The following HIVEP3 variants were observed in gnomAD, a reference collection of about 807,000 sequenced individuals.
HIVEP3 encodes HIVEP zinc finger 3, also known as transcription factor HIVEP3.
HIVEP3 carries 49 observed loss-of-function variants against 152.8 expected under a neutral mutation model. That is an observed-to-expected ratio of 0.32 (90% confidence interval 0.26 to 0.41). HIVEP3 has a LOEUF of 0.41. HIVEP3 is among the 10% of genes least tolerant of loss of function. The pLI, the probability that HIVEP3 is intolerant of heterozygous loss-of-function variation, is 1.00. For missense variants in HIVEP3, 2,790 were observed against 3,103.3 expected (o/e 0.90, Z 2.40); for synonymous variants, 1,269 against 1,289.0 (o/e 0.98, Z 0.33).
At chr1:41,880,597 C>T (rs1033133568) in intron 1 of HIVEP3, among the ~76,000 whole-genome samples, 7 of 152,182 alleles carry the variant, frequency 4.6e-5, no homozygotes, top group East Asian at 1.9e-4. Flanking sequence ...GGAAGAAGAG[C>T]GGAGACTTCC....
intron 1 of HIVEP3, among the ~76,000 whole-genome samples, chr1:41,989,146 C>T (rs911662207): frequency 3.9e-5 from 6 of 152,102 alleles, no homozygotes; most frequent in Non-Finnish European, 8.8e-5. Context: ...ATCTACTGTA[C>T]AATATGGTGG....
chr1:41,978,337 C>T (rs1645272738), intron 1 of HIVEP3, among the ~76,000 whole-genome samples: 1 of 152,118 alleles, frequency 6.6e-6, no homozygotes. Context: ...CCCGATATGA[C>T]TGTCTTTGTA....
intron 1 of HIVEP3, among the ~76,000 whole-genome samples, chr1:41,996,884 T>C (rs548000544): frequency 3.3e-5 from 5 of 152,286 alleles, no homozygotes; most frequent in African/African-American, 9.6e-5. Context: ...CCTCGGCCCA[T>C]GGCCCCTTCT....
rs1251705055 is a variant in HIVEP3, at chr1:42,032,940, T to C, written n.119+2867A>G. ...CCAGAAGCCTTCCGTGGTTTCCCATTCCCTAGCACCAGATACAATCCTGTC... is the reference window on the plus strand; with the variant it reads ...CCAGAAGCCTTCCGTGGTTTCCCATCCCCTAGCACCAGATACAATCCTGTC... On this transcript the variant is annotated intron_variant and non_coding_transcript_variant, in intron 1 of 3. Transcript: ENST00000489103. 2.0e-5 allele frequency among the ~76,000 whole-genome samples: 3 copies of C among 152,124 alleles called. No individual in the cohort carries two copies. The East Asian group carries it at 5.8e-4, about 29-fold the overall frequency.
intron 1 of HIVEP3, among the ~76,000 whole-genome samples, chr1:41,929,751 T>TA (rs1644987276): frequency 6.9e-6 from 1 of 145,564 alleles, no homozygotes; most frequent in Non-Finnish European, 1.5e-5. Context: ...TATATATATA[T>TA]ATGTTTAAAC....
intron 1 of HIVEP3, among the ~76,000 whole-genome samples, chr1:41,912,211 G>C (rs373086927): frequency 6.6e-6 from 1 of 152,274 alleles, no homozygotes; most frequent in East Asian, 1.9e-4. Flanking sequence ...AGGGTGGAGG[G>C]AGGTACACAG....
intron 1 of HIVEP3, among the ~76,000 whole-genome samples, chr1:41,784,819 A>G (rs1439777582): frequency 1.3e-5 from 2 of 152,236 alleles, no homozygotes; most frequent in Non-Finnish European, 2.9e-5. Context: ...TTAGCCACAA[A>G]ACAGGTTTCT....
chr1:41,784,525 G>C (rs1254030448), intron 1 of HIVEP3, among the ~76,000 whole-genome samples: 1 of 152,218 alleles, frequency 6.6e-6, no homozygotes, highest in African/African-American at 2.4e-5. Context: ...AGAACAGGGA[G>C]AGCAATTGCT....
intron 1 of HIVEP3, among the ~76,000 whole-genome samples, chr1:41,770,669 A>G (rs1410302680): frequency 1.3e-5 from 2 of 152,210 alleles, no homozygotes; most frequent in Non-Finnish European, 2.9e-5. Context: ...CAAGGTGAGG[A>G]ATGAACATTC....
chr1:41,842,543 A>G (rs904999427), intron 1 of HIVEP3, among the ~76,000 whole-genome samples: 1 of 152,054 alleles, frequency 6.6e-6, no homozygotes, highest in African/African-American at 2.4e-5. Context: ...GGCTTTATCC[A>G]TGCCAATCAG....
At chr1:41,597,992 G>A (rs542654289) in intron 3 of HIVEP3, among the ~76,000 whole-genome samples, 62 of 152,260 alleles carry the variant, frequency 4.1e-4, no homozygotes, top group Non-Finnish European at 7.1e-4. Context: ...ATTTATATCC[G>A]ATTTTTCCCA....
intron 1 of HIVEP3, among the ~76,000 whole-genome samples, chr1:41,940,667 T>C (rs1645041003): frequency 6.6e-6 from 1 of 152,080 alleles, no homozygotes; most frequent in Non-Finnish European, 1.5e-5. Context: ...AAACACGTTG[T>C]GTATACGGCA....
intron 1 of HIVEP3, among the ~76,000 whole-genome samples, chr1:41,756,934 T>A (rs1170902224): frequency 6.6e-6 from 1 of 152,034 alleles, no homozygotes; most frequent in East Asian, 1.9e-4. Context: ...AGAAAGTTAT[T>A]CTGCAATAAA....
At chr1:41,894,118 C>A (rs1644493560) in intron 1 of HIVEP3, among the ~76,000 whole-genome samples, 1 of 151,870 alleles carries the variant, frequency 6.6e-6, no homozygotes, top group Non-Finnish European at 1.5e-5. Context: ...CCATGCCCAG[C>A]CTATTTTATA....
chr1:41,818,431 C>T (rs1642474921), intron 1 of HIVEP3, among the ~76,000 whole-genome samples: 1 of 152,154 alleles, frequency 6.6e-6, no homozygotes. Flanking sequence ...ACCCAGAAAG[C>T]TCACTCCCAG....
At chr1:41,967,724 C>T (rs946296239) in intron 1 of HIVEP3, among the ~76,000 whole-genome samples, 5 of 151,684 alleles carry the variant, frequency 3.3e-5, no homozygotes, top group African/African-American at 9.7e-5. Flanking sequence ...GATAGAGACA[C>T]ACAAAAAAAA....
At chr1:41,841,186 C>T (rs918380610) in intron 1 of HIVEP3, among the ~76,000 whole-genome samples, 1 of 152,146 alleles carries the variant, frequency 6.6e-6, no homozygotes, top group Non-Finnish European at 1.5e-5. Context: ...AGCACACCTG[C>T]CCACACACAC....
chr1:41,512,931 G>A lies in HIVEP3; in HGVS notation c.6290C>T (p.Pro2097Leu), dbSNP rs1328180570. 1 of 1,600,428 alleles carries A rather than the reference G, an allele frequency of 6.2e-7. No homozygotes were observed. Among genetic ancestry groups the A allele is most frequent in the Admixed American group, 1.7e-5 (1 of 57,748 alleles). Residue 2097 changes from proline to leucine, a missense_variant, in exon 8 of 9, where the codon CCC becomes CTC. Pro to Leu is a moderately conservative substitution (Grantham distance 98, BLOSUM62 -3). This residue lies in a region of HIVEP3 where 816 missense variants were observed against 806.5 expected (regional missense o/e 1.01). Transcript: ENST00000372583. ...GKWALAGPGS[P>L]SAGEHGPGLG... Reference sequence around the variant, plus strand: ...GCCTGGGCCATGCTCCCCCGCTGAGGGGCTGCCCGGCCCAGCCAAGGCCCA... The same window carrying A: ...GCCTGGGCCATGCTCCCCCGCTGAGAGGCTGCCCGGCCCAGCCAAGGCCCA...
intron 1 of HIVEP3, among the ~76,000 whole-genome samples, chr1:41,810,789 A>G (rs972893036): frequency 1.3e-5 from 2 of 152,238 alleles, no homozygotes; most frequent in African/African-American, 2.4e-5. Flanking sequence ...TCACTGTTGT[A>G]CCTCATTTTA....
Sources: gnomAD v4.1 joint callset for allele counts (sites outside exome capture counted in the v4.1 genomes callset) on GRCh38, gnomAD v4.1.1 for gene constraint, gnomAD v4.1.1 regional missense constraint, MANE v1.5 for transcripts, NCBI Gene and HGNC (gene_info 2026-07-23, HGNC 2026-07-21) for gene names.